Variants in LEPR observed in about 807,000 individuals in gnomAD.
LEPR encodes leptin receptor, also known as OB receptor.
In LEPR, 56 loss-of-function variants were observed where a neutral mutation model predicts 114.7. The ratio of observed to expected loss-of-function variants is 0.49; its 90% CI spans 0.39 to 0.61. LEPR has a LOEUF of 0.61. LEPR is among the 20% of genes least tolerant of loss of function. The probability of loss-of-function intolerance (pLI) is 0.00; values close to 1 mark genes in which losing one functional copy is unlikely to be tolerated. For missense variants in LEPR, 1,202 were observed against 1,352.9 expected, an observed-to-expected ratio of 0.89 and a Z score of 1.75; for synonymous variants, 443 against 461.4, an observed-to-expected ratio of 0.96 and a Z score of 0.51.
In LEPR at chr1:65,455,356, G is replaced by T. The variant is rs577821691; in HGVS notation, c.-21+29978G>T. Reference sequence around the variant, plus strand: ...TGCATTCCTTTGGAGGAGGAGAGGTGCTCTGCTGTTTAGAGTTCCCAGTTT... The same window carrying T: ...TGCATTCCTTTGGAGGAGGAGAGGTTCTCTGCTGTTTAGAGTTCCCAGTTT... On this transcript the variant is annotated intron_variant, in intron 2 of 19. Transcript: ENST00000349533. Among the ~76,000 whole-genome samples the T allele has an allele frequency of 1.6e-3, 250 of 152,304 alleles. 2 individuals are homozygous for T. The highest frequency in any genetic ancestry group is 5.9e-3 in the African/African-American group (245 of 41,550).
intron 5 of LEPR, among the ~76,000 whole-genome samples, chr1:65,583,660 A>G (rs771912241): frequency 1.5e-4 from 23 of 152,310 alleles, no homozygotes; most frequent in Middle Eastern, 3.4e-3. Context: ...GCAAAATAAA[A>G]CAATGTAATA....
In LEPR at chr1:65,637,044, T is replaced by A; in HGVS notation, c.*29T>A. 6.2e-7 allele frequency: 1 copy of A among 1,602,258 alleles called. No individual in the cohort carries two copies. Among genetic ancestry groups the A allele is most frequent in the Non-Finnish European group, 8.5e-7 (1 of 1,172,978 alleles). On this transcript the variant is annotated 3_prime_UTR_variant, in exon 20 of 20. Transcript: ENST00000349533. ...CACTGAAGAAACCTTCAGATTTGTG[T>A]TATAATGGGTAATATAAAGTGTAAT...
At chr1:65,609,492 T>C (rs750312645) in intron 12 of LEPR, among the ~76,000 whole-genome samples, 1 of 152,240 alleles carries the variant, frequency 6.6e-6, no homozygotes, top group Non-Finnish European at 1.5e-5. Context: ...GAAACCCTTA[T>C]TGTATCATTA....
At chr1:65,617,020 G>A (rs1657568871) in intron 15 of LEPR, among the ~76,000 whole-genome samples, 1 of 152,032 alleles carries the variant, frequency 6.6e-6, no homozygotes, top group South Asian at 2.1e-4. Flanking sequence ...ATAGTGTTAA[G>A]CATCGAGTTC....
In LEPR at chr1:65,547,416, G is replaced by A. The variant is rs1422764458; in HGVS notation, c.-20-18130G>A. On this transcript the variant is annotated intron_variant, in intron 2 of 19. Transcript: ENST00000349533. ...CCTCCTTGTACCTCTGGTAGAATTC[G>A]GCTGTGAATCCATCTGGTCCTGGAC... Among the ~76,000 whole-genome samples, 30 of 151,950 alleles carry A rather than the reference G, an allele frequency of 2.0e-4. No individual in the cohort carries two copies. The South Asian group carries it at 4.2e-3, about 21-fold the overall frequency.
At chr1:65,513,521 C>T (rs1415015098) in intron 2 of LEPR, among the ~76,000 whole-genome samples, 1 of 152,156 alleles carries the variant, frequency 6.6e-6, no homozygotes, top group Non-Finnish European at 1.5e-5. Flanking sequence ...AATTTGTAAA[C>T]TTTGCAGCAG....
At chr1:65,589,039 T>A (rs1489918341) in intron 5 of LEPR, among the ~76,000 whole-genome samples, 3 of 152,094 alleles carry the variant, frequency 2.0e-5, no homozygotes, top group African/African-American at 7.2e-5. Context: ...ATCAGCAGTG[T>A]AAGAGTTCCA....
At chr1:65,544,296 C>T (rs575801366) in intron 2 of LEPR, among the ~76,000 whole-genome samples, 1 of 151,970 alleles carries the variant, frequency 6.6e-6, no homozygotes, top group Admixed American at 6.6e-5. Context: ...GATTTTGTAT[C>T]CTGAGACTTT....
At chr1:65,571,017 A>G (rs1654113363) in intron 4 of LEPR, among the ~76,000 whole-genome samples, 1 of 152,150 alleles carries the variant, frequency 6.6e-6, no homozygotes. Context: ...TTTACTTTTA[A>G]GTACATTCCT....
At chr1:65,610,189 A>G (rs1405346801) in intron 13 of LEPR, 25 bp from the exon 14 acceptor site, 4 of 1,614,088 alleles carry the variant, frequency 2.5e-6, no homozygotes, top group Non-Finnish European at 3.4e-6. Flanking sequence ...CTTCAAAAAC[A>G]TATACACAAC....
Position 65,453,438 on chromosome 1 carries a change from C to T in LEPR, c.-21+28060C>T, listed in dbSNP as rs145383181. On this transcript the variant is annotated intron_variant, in intron 2 of 19. Transcript: ENST00000349533. Reference sequence around the variant, plus strand: ...ATTTAGTGCTATACATTTCCCTCGACGCACTGCTTTGAATGCATCCCAGAG... The same window carrying T: ...ATTTAGTGCTATACATTTCCCTCGATGCACTGCTTTGAATGCATCCCAGAG... Among the ~76,000 whole-genome samples the T allele has an allele frequency of 5.4e-3, 826 of 152,100 alleles. 12 individuals are homozygous for T. The highest frequency in any genetic ancestry group is 0.019 in the African/African-American group (796 of 41,506).
At chr1:65,636,051 T>C in intron 19 of LEPR, 140 bp from the exon 20 acceptor site, 1 of 927,972 alleles carries the variant, frequency 1.1e-6, no homozygotes, top group Non-Finnish European at 1.6e-6. Flanking sequence ...GATATATGTA[T>C]TTTAGTCAAA....
intron 2 of LEPR, among the ~76,000 whole-genome samples, chr1:65,469,308 G>T (rs1190538507): frequency 6.6e-6 from 1 of 152,166 alleles, no homozygotes; most frequent in African/African-American, 2.4e-5. Flanking sequence ...CTTGAAAGTT[G>T]AGGACAATGT....
intron 19 of LEPR, chr1:65,623,488 A>C (rs1389607384): frequency 6.6e-6 from 1 of 152,266 alleles, no homozygotes; most frequent in Non-Finnish European, 1.5e-5. Context: ...GTACTTTATG[A>C]GAGTTAGTCA....
At chr1:65,589,191 A>T (rs1365390744) in intron 5 of LEPR, among the ~76,000 whole-genome samples, 2 of 152,050 alleles carry the variant, frequency 1.3e-5, no homozygotes, top group Admixed American at 1.3e-4. Context: ...ATCCTTTCAT[A>T]TGCTTATTTG....
At chr1:65,618,240 C>A in intron 16 of LEPR, 94 bp downstream of exon 16, 3 of 1,160,996 alleles carry the variant, frequency 2.6e-6, no homozygotes, top group Non-Finnish European at 3.7e-6. Context: ...ATGAAAACTT[C>A]AAAAATATAG....
chr1:65,472,012 G>A (rs1647089838), intron 2 of LEPR, among the ~76,000 whole-genome samples: 1 of 152,114 alleles, frequency 6.6e-6, no homozygotes, highest in South Asian at 2.1e-4. Flanking sequence ...AAGGCTTAAA[G>A]TCAGTTTGTA....
At chr1:65,593,244 C>T (rs1655829783) in intron 6 of LEPR, among the ~76,000 whole-genome samples, 1 of 151,926 alleles carries the variant, frequency 6.6e-6, no homozygotes, top group South Asian at 2.1e-4. Context: ...GAGACTGCTC[C>T]AGGAGCTGGA....
At chr1:65,533,605 G>T (rs888429320) in intron 2 of LEPR, among the ~76,000 whole-genome samples, 2 of 152,000 alleles carry the variant, frequency 1.3e-5, no homozygotes, top group African/African-American at 4.8e-5. Context: ...TTAATTTTCA[G>T]CCTTTCTTCT....
Sources: allele counts gnomAD v4.1 joint callset (sites outside exome capture counted in the v4.1 genomes callset), GRCh38; gene constraint gnomAD v4.1.1; transcripts MANE v1.5; gene names NCBI Gene and HGNC (gene_info 2026-07-23, HGNC 2026-07-21).